The following CHRM3 variants were observed in gnomAD, a reference collection of about 807,000 sequenced individuals.
CHRM3 encodes the protein muscarinic acetylcholine receptor M3.
A neutral mutation model predicts 41.8 loss-of-function variants in CHRM3; 11 were observed. The observed-to-expected ratio is 0.26, with a 90% CI of 0.17 to 0.44. The LOEUF is 0.44. CHRM3 is among the 20% of genes least tolerant of loss of function. The pLI is 1.00. For missense variants in CHRM3, 571 were observed against 745.4 expected (o/e 0.77, Z 2.72); for synonymous variants, 297 against 301.4 (o/e 0.99, Z 0.15).
At chr1:239,665,585 T>C (rs1364896097) in intron 4 of CHRM3, among the ~76,000 whole-genome samples, 1 of 152,180 alleles carries the variant, frequency 6.6e-6, no homozygotes, top group African/African-American at 2.4e-5. Context: ...GTTTGTTACA[T>C]AGGTATACAC....
In CHRM3 at chr1:239,914,891, G is replaced by A. The variant is rs541327887; in HGVS notation, c.*5667G>A. On this transcript the variant is annotated 3_prime_UTR_variant, in exon 7 of 7. Transcript: ENST00000676153. ...CTAGCCATTCCTCATCCAGTACATGGGCATTTCCAGCCTCCTACATGTAAC... is the reference window on the plus strand; with the variant it reads ...CTAGCCATTCCTCATCCAGTACATGAGCATTTCCAGCCTCCTACATGTAAC... 7.8e-5 allele frequency: 13 copies of A among 167,094 alleles called. No homozygotes were observed. In the East Asian group the frequency reaches 2.5e-3, roughly 32 times the overall value. 10.4% of individuals were successfully genotyped at this position (167,094 alleles called of 1,614,324 possible). A position where few individuals can be genotyped will look rare whatever the true frequency, so the allele number is the denominator to read the frequency against.
intron 4 of CHRM3, among the ~76,000 whole-genome samples, chr1:239,664,918 C>T (rs1444213120): frequency 1.3e-5 from 2 of 152,076 alleles, no homozygotes; most frequent in African/African-American, 4.8e-5. Flanking sequence ...CCTGTCCCTT[C>T]AAACCAATGT....
intron 6 of CHRM3, among the ~76,000 whole-genome samples, chr1:239,874,295 A>ATC (rs1676878829): frequency 8.2e-5 from 6 of 73,158 alleles, no homozygotes; most frequent in Non-Finnish European, 1.6e-4. Context: ...GTATATATAT[A>ATC]TATATATATA....
intron 3 of CHRM3, among the ~76,000 whole-genome samples, chr1:239,616,135 C>A (rs770499336): frequency 1.3e-5 from 2 of 152,178 alleles, no homozygotes; most frequent in African/African-American, 4.8e-5. Flanking sequence ...ACACTATTAA[C>A]ATTGTGATCT....
chr1:239,846,836 G>A (rs1674306880), intron 6 of CHRM3, among the ~76,000 whole-genome samples: 1 of 152,178 alleles, frequency 6.6e-6, no homozygotes, highest in Non-Finnish European at 1.5e-5. Context: ...AAGCGGCATA[G>A]AGTAATGCTT....
chr1:239,891,097 AT>A (rs1487268753), intron 6 of CHRM3, among the ~76,000 whole-genome samples: 1 of 152,140 alleles, frequency 6.6e-6, no homozygotes, highest in Non-Finnish European at 1.5e-5. Flanking sequence ...TACTGCCTGT[AT>A]ATGCATATGT....
chr1:239,755,409 C>T (rs181989101), intron 5 of CHRM3, among the ~76,000 whole-genome samples: 187 of 151,712 alleles, frequency 1.2e-3, no homozygotes, highest in African/African-American at 4.3e-3. Context: ...ATTTTTATGC[C>T]GATAATGGAA....
chr1:239,720,846 A>C (rs941543621), intron 5 of CHRM3, among the ~76,000 whole-genome samples: 1 of 151,914 alleles, frequency 6.6e-6, no homozygotes, highest in Admixed American at 6.6e-5. Flanking sequence ...ATAGCCCCTT[A>C]TCTTTATTTA....
chr1:239,908,264 T>G lies in CHRM3; in HGVS notation c.813T>G (p.Ser271=), dbSNP rs1268767978. Residue 271 remains serine (S), a synonymous_variant, in exon 7 of 7, where the codon TCT becomes TCG. Coordinates refer to ENST00000676153, the MANE Select transcript of CHRM3 (RefSeq NM_001375978.1). This position sits in a 1 kb window ranked among gnomAD's most constrained non-coding sequence, Gnocchi z 7.2. ...RTKELAGLQA[S]GTEAETENFV... Reference sequence around the variant, plus strand: ...AAGAGCTTGCTGGCCTGCAAGCCTCTGGGACAGAGGCAGAGACAGAAAACT... The same window carrying G: ...AAGAGCTTGCTGGCCTGCAAGCCTCGGGGACAGAGGCAGAGACAGAAAACT... The G allele has an allele frequency of 4.3e-6, 7 of 1,614,006 alleles. No individual in the cohort carries two copies. The African/African-American group carries it at 9.3e-5, about 22-fold the overall frequency.
intron 2 of CHRM3, among the ~76,000 whole-genome samples, chr1:239,493,406 A>G (rs988802983): frequency 3.9e-5 from 6 of 152,180 alleles, no homozygotes; most frequent in South Asian, 4.1e-4. Context: ...TCAAAACTCT[A>G]TCAGATGAAT....
chr1:239,846,090 T>A (rs979009367), intron 6 of CHRM3, among the ~76,000 whole-genome samples: 1 of 146,778 alleles, frequency 6.8e-6, no homozygotes, highest in African/African-American at 2.5e-5. Context: ...AACTTACAAC[T>A]TTTTTTTTTT....
intron 4 of CHRM3, among the ~76,000 whole-genome samples, chr1:239,651,561 C>T (rs940286858): frequency 6.6e-6 from 1 of 152,106 alleles, no homozygotes; most frequent in East Asian, 1.9e-4. Context: ...CACTTCTTCC[C>T]CTTCCCCAGG....
At chr1:239,734,865 C>T (rs1376135451) in intron 5 of CHRM3, among the ~76,000 whole-genome samples, 1 of 151,970 alleles carries the variant, frequency 6.6e-6, no homozygotes, top group East Asian at 1.9e-4. Flanking sequence ...CATATGTTGA[C>T]GATTATTGAA....
chr1:239,509,185 G>A (rs1455063569), intron 2 of CHRM3, among the ~76,000 whole-genome samples: 1 of 152,222 alleles, frequency 6.6e-6, no homozygotes, highest in African/African-American at 2.4e-5. Context: ...CAGTGAAAAT[G>A]TGCAGGGGAA....
chr1:239,744,240 T>C (rs966407748), intron 5 of CHRM3, among the ~76,000 whole-genome samples: 1 of 152,090 alleles, frequency 6.6e-6, no homozygotes, highest in South Asian at 2.1e-4. Context: ...TGAACAAAAG[T>C]GATGTAGTTC....
At chr1:239,881,292 A>AAAAAAC (rs1483999971) in intron 6 of CHRM3, among the ~76,000 whole-genome samples, 4 of 149,606 alleles carry the variant, frequency 2.7e-5, no homozygotes, top group Non-Finnish European at 6.0e-5. Context: ...CAAAAAAAAA[A>AAAAAAC]AAAAAAAAAA....
chr1:239,860,030 C>T (rs561562754), intron 6 of CHRM3, among the ~76,000 whole-genome samples: 5 of 152,050 alleles, frequency 3.3e-5, no homozygotes, highest in African/African-American at 9.6e-5. Flanking sequence ...CCAGAGAACC[C>T]GACAGTCGGC....
In CHRM3 at chr1:239,559,318, T is replaced by A. The variant is rs556998253; in HGVS notation, c.-313+13569T>A. On this transcript the variant is annotated intron_variant, in intron 3 of 6. Transcript: ENST00000676153. ...TCAGTTTATTTGTCCAATCTGAGAA[T>A]CTCTACAGTGTACTTCCTAAAAGTA... Among the ~76,000 whole-genome samples the A allele has an allele frequency of 7.2e-5, 11 of 152,296 alleles. No individual in the cohort carries two copies. In the East Asian group the frequency reaches 2.1e-3, roughly 29 times the overall value.
intron 1 of CHRM3, among the ~76,000 whole-genome samples, chr1:239,489,180 A>G (rs1340509164): frequency 6.6e-6 from 1 of 152,142 alleles, no homozygotes; most frequent in Non-Finnish European, 1.5e-5. Flanking sequence ...TTGGGAGGCC[A>G]AGGCAGGCAG....
Sources: allele counts gnomAD v4.1 joint callset (sites outside exome capture counted in the v4.1 genomes callset), GRCh38; gene constraint gnomAD v4.1.1; non-coding constraint Gnocchi (gnomAD v3.1); transcripts MANE v1.5; gene names NCBI Gene and HGNC (gene_info 2026-07-23, HGNC 2026-07-21).